The following NEB variants were observed in gnomAD, a reference collection of about 807,000 sequenced individuals.
NEB encodes nemaline myopathy type 2.
In NEB, 512 loss-of-function variants were observed where a neutral mutation model predicts 952.2. That is an observed-to-expected ratio of 0.54 (90% confidence interval 0.50 to 0.58). The LOEUF (loss-of-function observed/expected upper bound fraction) is 0.58, where lower values mean the gene tolerates loss of function less well. NEB is among the 20% of genes least tolerant of loss of function. The pLI is 0.00. For missense variants in NEB, 8,428 were observed against 9,231.1 expected, an observed-to-expected ratio of 0.91 and a Z score of 3.56; for synonymous variants, 2,900 against 3,149.8, an observed-to-expected ratio of 0.92 and a Z score of 2.66.
intron 10 of NEB, among the ~76,000 whole-genome samples, chr2:151,713,539 T>TA (rs1381887005): frequency 6.6e-6 from 1 of 152,104 alleles, no homozygotes; most frequent in Non-Finnish European, 1.5e-5. Flanking sequence ...ATTAGTTTTT[T>TA]AAAAAAAATT....
rs756955786 is a variant in NEB, at chr2:151,575,804, G to A, written c.16909-5C>T. ...CCAAACCTCTCTGTACTTTGGCTGT[G>A]GAAAGAAACAAAAATAATAAAATTA... is the stretch of plus-strand genomic sequence containing the variant. On this transcript the variant is annotated splice_polypyrimidine_tract_variant and splice_region_variant and intron_variant, in intron 106 of 181. Transcript: ENST00000397345. 1 of 1,542,510 alleles carries A rather than the reference G, an allele frequency of 6.5e-7. No individual in the cohort carries two copies. The highest frequency in any genetic ancestry group is 9.0e-7 in the Non-Finnish European group (1 of 1,114,896).
At position 151,518,401 on chromosome 2, in the gene NEB, C is replaced by CATACTTCTTCTT. The variant is rs1350158255; in HGVS notation, c.22705_22716dup (p.Lys7569_Tyr7572dup). 6.2e-7 allele frequency: 1 copy of CATACTTCTTCTT among 1,609,522 alleles called. No individual in the cohort carries two copies. The highest frequency in any genetic ancestry group is 1.3e-5 in the African/African-American group (1 of 74,904). On this transcript the variant is annotated inframe_insertion, in exon 156 of 182. Coordinates refer to ENST00000397345, the MANE Select transcript of NEB (RefSeq NM_001164508.2). ...GTGTGGTAGTGGCCTTTACTCTTCT[C>CATACTTCTTCTT]ATACTTCTTCTTGTACTGGTACTGA...
chr2:151,554,318 T>C (rs1299802011), intron 125 of NEB, among the ~76,000 whole-genome samples: 1 of 152,064 alleles, frequency 6.6e-6, no homozygotes, highest in African/African-American at 2.4e-5. Flanking sequence ...CCCAGCACTA[T>C]GGGAGACTGA....
At chr2:151,650,506 T>G in intron 53 of NEB, 68 bp downstream of exon 53, 2 of 1,492,838 alleles carry the variant, frequency 1.3e-6, no homozygotes, top group Non-Finnish European at 1.8e-6. Flanking sequence ...CTGCTTCTCT[T>G]TGACTAAATA....
At chr2:151,494,113 A>G in intron 174 of NEB, 48 bp downstream of exon 174, 6 of 1,481,044 alleles carry the variant, frequency 4.1e-6, no homozygotes, top group Non-Finnish European at 5.6e-6. Context: ...CCAAACTGCA[A>G]GAGTTATTTT....
At chr2:151,535,897 GAACT>G in intron 141 of NEB, 102 bp from the exon 142 acceptor site, 1 of 650,128 alleles carries the variant, frequency 1.5e-6, no homozygotes. Flanking sequence ...TTAATTCATA[GAACT>G]AACACATATT....
At chr2:151,680,612 C>T (rs941285991) in intron 30 of NEB, 118 bp downstream of exon 30, 4 of 681,306 alleles carry the variant, frequency 5.9e-6, no homozygotes, top group Non-Finnish European at 7.4e-6. Context: ...TCTACAGATG[C>T]TTGTGTAATT....
chr2:151,649,355 T>C (rs570643172), intron 54 of NEB, among the ~76,000 whole-genome samples: 4 of 152,270 alleles, frequency 2.6e-5, no homozygotes, highest in Admixed American at 6.5e-5. Context: ...TTATATATTA[T>C]ATAAAACTTC....
Position 151,490,496 on chromosome 2 carries a change from C to G in NEB, c.25173G>C (p.Arg8391=). 6.2e-7 allele frequency: 1 copy of G among 1,609,202 alleles called. No individual in the cohort carries two copies. Among genetic ancestry groups the G allele is most frequent in the Non-Finnish European group, 8.5e-7 (1 of 1,177,844 alleles). The part of the protein sequence containing the change: ...MINVQAQRRS[R]EQSRSASALS... ...GTGCACTGGCAGATCGTGACTGCTC[C>G]CGGCTCCGGCGCTGAGCTTGGACTG... Residue 8391 remains arginine (R), a synonymous_variant, in exon 180 of 182, where the codon CGG becomes CGC. Transcript: ENST00000397345.
chr2:151,631,431 C>T (rs2098665386), intron 65 of NEB, 85 bp from the exon 66 acceptor site: 1 of 1,397,186 alleles, frequency 7.2e-7, no homozygotes, highest in Middle Eastern at 1.8e-4. Context: ...TAATAAAGTG[C>T]AATTCTGTTT....
In NEB at chr2:151,547,350, C is replaced by T. The variant is rs111853076; in HGVS notation, c.20367+79G>A. On this transcript the variant is annotated intron_variant, in intron 133 of 181. Coordinates refer to ENST00000397345, the MANE Select transcript of NEB (RefSeq NM_001164508.2). ...CTTATCAGAAAAGGCTGTTCAAAGACCACTGGTTGTTTTAACTGCTGAAAG... is the reference window on the plus strand; with the variant it reads ...CTTATCAGAAAAGGCTGTTCAAAGATCACTGGTTGTTTTAACTGCTGAAAG... 1.9e-3 allele frequency: 2,164 copies of T among 1,110,232 alleles called. 32 individuals are homozygous for T. The African/African-American group carries it at 0.028, about 15-fold the overall frequency. The allele number at this position is 1,110,232 out of a possible 1,614,324, so 68.8% of individuals were successfully genotyped here.
At chr2:151,560,844 T>C in intron 123 of NEB, 145 bp from the exon 124 acceptor site, 1 of 770,450 alleles carries the variant, frequency 1.3e-6, no homozygotes, top group Non-Finnish European at 2.1e-6. Flanking sequence ...CTTATTTAAT[T>C]GTACCTACTA....
At chr2:151,547,286 A>G in intron 133 of NEB, 143 bp downstream of exon 133, 1 of 642,844 alleles carries the variant, frequency 1.6e-6, no homozygotes, top group South Asian at 2.0e-5. Context: ...CTTCTCCCAC[A>G]CTGTCTTACC....
At chr2:151,669,421 T>C (rs962078738) in intron 38 of NEB, among the ~76,000 whole-genome samples, 2 of 152,152 alleles carry the variant, frequency 1.3e-5, no homozygotes, top group Admixed American at 6.5e-5. Flanking sequence ...AGGACAGACA[T>C]AAAACATGTA....
chr2:151,689,653 A>C (rs2099531548), intron 24 of NEB: 1 of 152,262 alleles, frequency 6.6e-6, no homozygotes, highest in African/African-American at 2.4e-5. Context: ...AGAACTATGC[A>C]AGAAGTAATT....
At chr2:151,619,304 A>G in intron 73 of NEB, 147 bp downstream of exon 73, 1 of 870,982 alleles carries the variant, frequency 1.1e-6, no homozygotes, top group African/African-American at 1.7e-5. Context: ...AAATTGTAGT[A>G]CCTCCAATGG....
chr2:151,656,404 C>T lies in NEB; in HGVS notation c.6244G>A (p.Glu2082Lys), dbSNP rs372667149. 3.9e-5 allele frequency: 63 copies of T among 1,613,324 alleles called. No homozygotes were observed. Among genetic ancestry groups the T allele is most frequent in the South Asian group, 2.1e-4 (19 of 91,018 alleles). ...KGKMVGFRSLEDDPKLVHSMQ... is the reference protein window; with the variant it reads ...KGKMVGFRSLKDDPKLVHSMQ... ...GAATGGACTAATTTGGGATCATCCT[C>T]GAGACTGCGGAAACCAACCATTTTC... Residue 2082 changes from glutamate to lysine, a missense_variant, in exon 49 of 182, where the codon GAG (glutamate) becomes AAG (lysine). Glu to Lys is a moderately conservative substitution (Grantham distance 56, BLOSUM62 1). Around this residue, in one of 11 missense-constraint regions of NEB, gnomAD observed 2,851 missense variants for 2,791.5 expected, o/e 1.02. Transcript: ENST00000397345.
At chr2:151,522,381 C>G (rs2082518410) in intron 153 of NEB, among the ~76,000 whole-genome samples, 1 of 152,172 alleles carries the variant, frequency 6.6e-6, no homozygotes, top group East Asian at 1.9e-4. Flanking sequence ...CAGATAACTT[C>G]AGAAGAGGCA....
Position 151,665,555 on chromosome 2 carries a change from A to G in NEB, c.5032-16T>C. On this transcript the variant is annotated splice_polypyrimidine_tract_variant and intron_variant, in intron 41 of 181. Transcript: ENST00000397345. ...TGTACAGATTCTTTACAATGAGAAA[A>G]AAAATTTCATTTCAGAAAGAGTCAG... is the stretch of plus-strand genomic sequence containing the variant. 6.5e-7 allele frequency: 1 copy of G among 1,544,180 alleles called. No individual in the cohort carries two copies. The highest frequency in any genetic ancestry group is 8.8e-7 in the Non-Finnish European group (1 of 1,140,888).
Sources: allele counts gnomAD v4.1 joint callset (sites outside exome capture counted in the v4.1 genomes callset), GRCh38; gene constraint gnomAD v4.1.1; regional missense constraint gnomAD v4.1.1; transcripts MANE v1.5; gene names NCBI Gene and HGNC (gene_info 2026-07-23, HGNC 2026-07-21).